Variants in FGF14 observed in about 807,000 individuals in gnomAD.
FGF14 encodes fibroblast growth factor homologous factor 4.
In FGF14, 5 loss-of-function variants were observed where a neutral mutation model predicts 25.5. That is an observed-to-expected ratio of 0.20 (90% CI 0.10 to 0.41). FGF14 has a LOEUF of 0.41. Ranked by LOEUF, FGF14 falls within the 10% of genes least tolerant of loss-of-function variation. The pLI is 1.00. For missense variants in FGF14, 222 were observed against 320.1 expected, an observed-to-expected ratio of 0.69 and a Z score of 2.34; for synonymous variants, 138 against 118.3, an observed-to-expected ratio of 1.17 and a Z score of -1.08.
intron 3 of FGF14, among the ~76,000 whole-genome samples, chr13:101,782,377 G>A (rs538560822): frequency 1.3e-5 from 2 of 152,146 alleles, no homozygotes; most frequent in Non-Finnish European, 2.9e-5. Flanking sequence ...GCTTTTTTGT[G>A]GTTTTATTTT....
chr13:102,046,210 G>GA (rs1667385612), intron 1 of FGF14, among the ~76,000 whole-genome samples: 1 of 151,980 alleles, frequency 6.6e-6, no homozygotes, highest in Non-Finnish European at 1.5e-5. Flanking sequence ...CTGATTTCTG[G>GA]AAAGATAATT....
chr13:101,963,627 A>G (rs934363806), intron 1 of FGF14, among the ~76,000 whole-genome samples: 1 of 152,254 alleles, frequency 6.6e-6, no homozygotes, highest in Non-Finnish European at 1.5e-5. Context: ...AAGGATATCC[A>G]TGATATGAAT....
chr13:102,168,885 G>T (rs2048126670), intron 1 of FGF14, among the ~76,000 whole-genome samples: 1 of 152,042 alleles, frequency 6.6e-6, no homozygotes, highest in Non-Finnish European at 1.5e-5. Flanking sequence ...AAGCAGGATA[G>T]GGAGCATTGT....
intron 3 of FGF14, among the ~76,000 whole-genome samples, chr13:101,802,947 A>G (rs1439602089): frequency 3.9e-5 from 6 of 152,088 alleles, no homozygotes; most frequent in Non-Finnish European, 7.4e-5. Flanking sequence ...ACTGGAGCTC[A>G]GTGCATGCAC....
Position 102,275,234 on chromosome 13 carries a change from T to TTCTCCCTCTC in FGF14, c.208+126236_208+126237insGAGAGGGAGA, listed in dbSNP as rs2053455274. On this transcript the variant is annotated intron_variant, in intron 1 of 4. Coordinates refer to the FGF14 transcript ENST00000376131. The stretch of plus-strand genomic sequence containing the variant: ...ATCTGCCAACTGAGATTAGGCAGAT[T>TTCTCCCTCTC]TCTCTCTCTCTCTCTCTCTCTCTCT... Among the ~76,000 whole-genome samples, 4 of 67,490 alleles carry TTCTCCCTCTC rather than the reference T, an allele frequency of 5.9e-5. No homozygotes were observed. The East Asian group carries it at 1.5e-3, about 25-fold the overall frequency. 44.3% of individuals were successfully genotyped at this position (67,490 alleles called of 152,430 possible).
At chr13:102,063,293 C>G (rs530431536) in intron 1 of FGF14, among the ~76,000 whole-genome samples, 1 of 152,216 alleles carries the variant, frequency 6.6e-6, no homozygotes, top group Non-Finnish European at 1.5e-5. Context: ...AACATCTAAA[C>G]ATACTAATAT....
At chr13:102,047,769 T>A (rs1175500796) in intron 1 of FGF14, among the ~76,000 whole-genome samples, 1 of 152,116 alleles carries the variant, frequency 6.6e-6, no homozygotes, top group East Asian at 1.9e-4. Flanking sequence ...ACATGGCACA[T>A]GTATACATAT....
At chr13:102,211,742 A>C (rs969155682) in intron 1 of FGF14, among the ~76,000 whole-genome samples, 1 of 152,208 alleles carries the variant, frequency 6.6e-6, no homozygotes, top group Non-Finnish European at 1.5e-5. Flanking sequence ...CCTAACTCAA[A>C]AAGAGTTCAA....
chr13:102,057,089 A>C (rs939390730), intron 1 of FGF14, among the ~76,000 whole-genome samples: 9 of 151,874 alleles, frequency 5.9e-5, no homozygotes, highest in Non-Finnish European at 1.2e-4. Flanking sequence ...TATTAGCTTA[A>C]TTAGTGATTT....
At chr13:102,085,175 A>G (rs2043833881) in intron 1 of FGF14, among the ~76,000 whole-genome samples, 1 of 151,892 alleles carries the variant, frequency 6.6e-6, no homozygotes, top group Admixed American at 6.6e-5. Flanking sequence ...ATTCACTTCT[A>G]TTTAGACTAA....
intron 1 of FGF14, among the ~76,000 whole-genome samples, chr13:102,297,175 TA>T (rs2054759579): frequency 6.6e-6 from 1 of 152,110 alleles, no homozygotes; most frequent in South Asian, 2.1e-4. Context: ...CCAGAACCCA[TA>T]ATACTCTTCT....
intron 1 of FGF14, among the ~76,000 whole-genome samples, chr13:102,056,314 A>G (rs1192868966): frequency 1.3e-5 from 2 of 152,240 alleles, no homozygotes; most frequent in Admixed American, 6.5e-5. Flanking sequence ...TTAGGCTCAA[A>G]GAAACATAGT....
chr13:101,931,685 C>T (rs914333679), intron 1 of FGF14, among the ~76,000 whole-genome samples: 3 of 152,286 alleles, frequency 2.0e-5, no homozygotes, highest in East Asian at 1.9e-4. Flanking sequence ...TGGTTTCCTC[C>T]GGGTGAGCCG....
At chr13:102,121,495 C>G (rs2045723195) in intron 1 of FGF14, among the ~76,000 whole-genome samples, 1 of 151,990 alleles carries the variant, frequency 6.6e-6, no homozygotes, top group South Asian at 2.1e-4. Context: ...AAACTAAATG[C>G]AGAAGAAAAA....
chr13:102,335,656 C>G (rs1166050078), intron 1 of FGF14, among the ~76,000 whole-genome samples: 1 of 152,156 alleles, frequency 6.6e-6, no homozygotes, highest in Non-Finnish European at 1.5e-5. Context: ...GGGAGGAGTA[C>G]AGGCATGACT....
At chr13:101,789,474 C>T (rs1203002103) in intron 3 of FGF14, among the ~76,000 whole-genome samples, 4 of 152,112 alleles carry the variant, frequency 2.6e-5, no homozygotes, top group Non-Finnish European at 4.4e-5. Flanking sequence ...AAAATCATGC[C>T]CCTTACGCTC....
chr13:101,744,285 T>A (rs1372656076), intron 3 of FGF14, among the ~76,000 whole-genome samples: 1 of 152,054 alleles, frequency 6.6e-6, no homozygotes, highest in Non-Finnish European at 1.5e-5. Context: ...AGACTTTACC[T>A]ATTTCAGGGC....
intron 1 of FGF14, among the ~76,000 whole-genome samples, chr13:102,379,976 G>A (rs555137193): frequency 6.6e-6 from 1 of 152,018 alleles, no homozygotes; most frequent in African/African-American, 2.4e-5. Context: ...CACTAATGAT[G>A]GCTTCAAAAG....
intron 3 of FGF14, among the ~76,000 whole-genome samples, chr13:101,787,940 C>T (rs989658788): frequency 4.6e-5 from 7 of 152,176 alleles, no homozygotes; most frequent in African/African-American, 1.7e-4. Flanking sequence ...GGCAGGATTT[C>T]ACCTCACTGC....
Sources: gnomAD v4.1 joint callset for allele counts (sites outside exome capture counted in the v4.1 genomes callset) on GRCh38, gnomAD v4.1.1 for gene constraint, MANE v1.5 for transcripts, NCBI Gene and HGNC (gene_info 2026-07-23, HGNC 2026-07-21) for gene names.